FADS3: variants seen among roughly 807,000 people sequenced by gnomAD.
FADS3 encodes fatty acid desaturase 3.
A neutral mutation model predicts 60.4 loss-of-function variants in FADS3; 30 were observed. That is an observed-to-expected ratio of 0.50 (90% CI 0.37 to 0.67). FADS3 has a LOEUF of 0.67. Among genes scored for constraint, FADS3 ranks in the 30% least tolerant of loss-of-function variants. The pLI, the probability that FADS3 is intolerant of heterozygous loss-of-function variation, is 0.00. For missense variants in FADS3, 432 were observed against 598.3 expected (o/e 0.72, Z 2.90); for synonymous variants, 234 against 249.3 (o/e 0.94, Z 0.58).
chr11:61,890,269 G>C lies in FADS3; in HGVS notation c.213+900C>G, dbSNP rs371845382. 1.9e-4 allele frequency: 29 copies of C among 152,354 alleles called. No individual in the cohort carries two copies. The East Asian group carries it at 1.9e-3, about 10-fold the overall frequency. 9.4% of individuals were successfully genotyped at this position (152,354 alleles called of 1,614,324 possible). A position where few individuals can be genotyped will look rare whatever the true frequency, so the allele number is the denominator to read the frequency against. On this transcript the variant is annotated intron_variant, in intron 1 of 11. Transcript: ENST00000278829. ...CATGCTGGAGATGGCAATCGGCAGAGAGCAGGTGGCCCTGTCAAGAGGGAC... is the reference window on the plus strand; with the variant it reads ...CATGCTGGAGATGGCAATCGGCAGACAGCAGGTGGCCCTGTCAAGAGGGAC...
chr11:61,885,002 A>C (rs1420928427), intron 1 of FADS3, among the ~76,000 whole-genome samples: 1 of 151,932 alleles, frequency 6.6e-6, no homozygotes, highest in Non-Finnish European at 1.5e-5. Context: ...GGCACGAACC[A>C]TTTTGCTGGT....
intron 3 of FADS3, 33 bp downstream of exon 3, chr11:61,879,279 G>A: frequency 1.9e-6 from 3 of 1,545,360 alleles, no homozygotes; most frequent in South Asian, 2.4e-5. Flanking sequence ...CTGTTGGGCA[G>A]TTAAGGTGGC....
Position 61,891,340 on chromosome 11 carries a change from C to A in FADS3, c.42G>T (p.Ala14=), listed in dbSNP as rs1938506770. ...VGEPGPREGP[A]QPGAPLPTFC... ...AGGTGGGCAGCGGCGCCCCCGGCTGCGCGGGTCCCTCCCGCGGTCCCGGCT... is the reference window on the plus strand; with the variant it reads ...AGGTGGGCAGCGGCGCCCCCGGCTGAGCGGGTCCCTCCCGCGGTCCCGGCT... Residue 14 remains alanine (A), a synonymous_variant, in exon 1 of 12, where the codon GCG becomes GCT. Coordinates refer to ENST00000278829, the MANE Select transcript of FADS3 (RefSeq NM_021727.5). 3 of 1,510,680 alleles carry A rather than the reference C, an allele frequency of 2.0e-6. No homozygotes were observed. The highest frequency in any genetic ancestry group is 1.2e-5 in the South Asian group (1 of 82,456). The allele number at this position is 1,510,680 out of a possible 1,614,324, so 93.6% of individuals were successfully genotyped here. A position where few individuals can be genotyped will look rare whatever the true frequency, so the allele number is the denominator to read the frequency against.
At chr11:61,885,394 T>A (rs1214722085) in intron 1 of FADS3, among the ~76,000 whole-genome samples, 1 of 152,192 alleles carries the variant, frequency 6.6e-6, no homozygotes, top group East Asian at 1.9e-4. Flanking sequence ...GCTGGGAGGA[T>A]GCAGTCGGTG....
Position 61,876,552 on chromosome 11 carries a change from C to A in FADS3, c.984-97G>T. ...AGCTGTCCCCAAGTGGCCTTGACTT[C>A]CTTATCTGTACAATAGGATTGTGGC... On this transcript the variant is annotated intron_variant, in intron 8 of 11. Coordinates refer to ENST00000278829, the MANE Select transcript of FADS3 (RefSeq NM_021727.5). The surrounding 1 kb of genome is among the most constrained non-coding windows in gnomAD (Gnocchi z 5.7). 1 of 939,682 alleles carries A rather than the reference C, an allele frequency of 1.1e-6. No individual in the cohort carries two copies. The highest frequency in any genetic ancestry group is 1.3e-5 in the South Asian group (1 of 75,142). The allele number at this position is 939,682 out of a possible 1,614,324, so 58.2% of individuals were successfully genotyped here.
chr11:61,876,798 G>T lies in FADS3; in HGVS notation c.983+68C>A. 1 of 1,232,440 alleles carries T rather than the reference G, an allele frequency of 8.1e-7. No homozygotes were observed. Among genetic ancestry groups the T allele is most frequent in the Non-Finnish European group, 1.2e-6 (1 of 856,038 alleles). 76.3% of individuals were successfully genotyped at this position (1,232,440 alleles called of 1,614,324 possible). A position where few individuals can be genotyped will look rare whatever the true frequency, so the allele number is the denominator to read the frequency against. On this transcript the variant is annotated intron_variant, in intron 8 of 11. Coordinates refer to ENST00000278829, the MANE Select transcript of FADS3 (RefSeq NM_021727.5). The surrounding 1 kb of genome is among the most constrained non-coding windows in gnomAD (Gnocchi z 5.7). ...CCATTCTGCAGACGGGAAAAGGGAA[G>T]CTCTGGTGGGGGGCTGCAGTGGGGG...
chr11:61,884,227 C>T lies in FADS3; in HGVS notation c.214-4076G>A, dbSNP rs111579888. On this transcript the variant is annotated intron_variant, in intron 1 of 11. Coordinates refer to ENST00000278829, the MANE Select transcript of FADS3 (RefSeq NM_021727.5). ...ACCGAGGTTAGATCAGAGTCCAGGT[C>T]TCTTCTCACTCATAAGTGAGAGTTG... Among the ~76,000 whole-genome samples, 301 of 152,236 alleles carry T rather than the reference C, an allele frequency of 2.0e-3. 1 individual carries two copies. The highest frequency in any genetic ancestry group is 6.9e-3 in the African/African-American group (286 of 41,530).
intron 1 of FADS3, among the ~76,000 whole-genome samples, chr11:61,884,391 G>A (rs560062181): frequency 1.3e-5 from 2 of 152,124 alleles, no homozygotes; most frequent in African/African-American, 4.8e-5. Context: ...AGGGGTTGAC[G>A]GGTGCAGCAA....
At chr11:61,880,852 CA>C (rs1938105175) in intron 1 of FADS3, 1 of 152,152 alleles carries the variant, frequency 6.6e-6, no homozygotes, top group Admixed American at 6.5e-5. Flanking sequence ...TGGGTTCAAG[CA>C]ATTCTCCGGT....
chr11:61,886,633 C>T (rs1938329777), intron 1 of FADS3, among the ~76,000 whole-genome samples: 1 of 152,080 alleles, frequency 6.6e-6, no homozygotes, highest in South Asian at 2.1e-4. Flanking sequence ...CCCTCGTGGC[C>T]CGAGTACAAA....
rs1408369822 is a variant in FADS3 at position 61,891,439 on chromosome 11, G to A, written c.-58C>T. On this transcript the variant is annotated 5_prime_UTR_variant, in exon 1 of 12. Transcript: ENST00000278829. ...GTGGCCGAGGTCCGAGCAAGACCCC[G>A]AGGGAAGCGAAGAGCGCTCCCGGGC... The A allele has an allele frequency of 1.3e-5, 16 of 1,249,932 alleles. No homozygotes were observed. Among genetic ancestry groups the A allele is most frequent in the Admixed American group, 8.2e-5 (2 of 24,326 alleles). The allele number at this position is 1,249,932 out of a possible 1,614,324, so 77.4% of individuals were successfully genotyped here.
In FADS3 at chr11:61,877,213, G is replaced by T; in HGVS notation, c.886-250C>A. 5.4e-6 allele frequency: 3 copies of T among 557,132 alleles called. No individual in the cohort carries two copies. The highest frequency in any genetic ancestry group is 9.6e-6 in the Non-Finnish European group (3 of 311,068). 34.5% of individuals were successfully genotyped at this position (557,132 alleles called of 1,614,324 possible). A position where few individuals can be genotyped will look rare whatever the true frequency, so the allele number is the denominator to read the frequency against. On this transcript the variant is annotated intron_variant, in intron 7 of 11. Coordinates refer to ENST00000278829, the MANE Select transcript of FADS3 (RefSeq NM_021727.5). The surrounding 1 kb of genome is among the most constrained non-coding windows in gnomAD (Gnocchi z 4.7). ...GGTGTGTTGGGGAAGACCCTGCCAG[G>T]GACACAGATGCCTGGCAGAGTCAGC... is the stretch of plus-strand genomic sequence containing the variant.
At chr11:61,884,301 C>T (rs1337736941) in intron 1 of FADS3, among the ~76,000 whole-genome samples, 1 of 152,048 alleles carries the variant, frequency 6.6e-6, no homozygotes, top group Non-Finnish European at 1.5e-5. Context: ...CACACCGGGG[C>T]TTACTGGGCG....
At chr11:61,891,071 G>C in intron 1 of FADS3, 98 bp downstream of exon 1, 1 of 1,048,190 alleles carries the variant, frequency 9.5e-7, no homozygotes, top group East Asian at 2.6e-5. Flanking sequence ...CGAGGGGAGG[G>C]AGGATGCTAA....
intron 1 of FADS3, chr11:61,881,833 G>A (rs1197468624): frequency 6.6e-6 from 1 of 152,280 alleles, no homozygotes; most frequent in African/African-American, 2.4e-5. Flanking sequence ...GGGACTGGGG[G>A]GCTGGTAGGG....
In FADS3 at chr11:61,877,234, T is replaced by G; in HGVS notation, c.886-271A>C. On this transcript the variant is annotated intron_variant, in intron 7 of 11. Transcript: ENST00000278829. This position sits in a 1 kb window ranked among gnomAD's most constrained non-coding sequence, Gnocchi z 4.7. ...CCAGGGACACAGATGCCTGGCAGAG[T>G]CAGCCCAGCAACTCCTCCTGGGAAG... 6 of 542,924 alleles carry G rather than the reference T, an allele frequency of 1.1e-5. No homozygotes were observed. Among genetic ancestry groups the G allele is most frequent in the East Asian group, 6.4e-5 (2 of 31,264 alleles). The allele number at this position is 542,924 out of a possible 1,614,324, so 33.6% of individuals were successfully genotyped here.
At position 61,873,703 on chromosome 11, in the gene FADS3, A is replaced by T; in HGVS notation, c.*111T>A. ...GGGAAGACAACAGTACCAGGAGGGC[A>T]GGCAGGGCACCCCCAGGCTGGCCAG... On this transcript the variant is annotated 3_prime_UTR_variant, in exon 12 of 12. Coordinates refer to ENST00000278829, the MANE Select transcript of FADS3 (RefSeq NM_021727.5). 1.3e-6 allele frequency: 1 copy of T among 760,570 alleles called. No individual in the cohort carries two copies. The allele number at this position is 760,570 out of a possible 1,614,324, so 47.1% of individuals were successfully genotyped here.
At chr11:61,889,555 G>A (rs1938425754) in intron 1 of FADS3, among the ~76,000 whole-genome samples, 1 of 152,180 alleles carries the variant, frequency 6.6e-6, no homozygotes, top group Non-Finnish European at 1.5e-5. Flanking sequence ...GCTGAGGCAG[G>A]AGAATCGCTT....
In FADS3 at chr11:61,877,700, G is replaced by A. The variant is rs1459613984; in HGVS notation, c.809-113C>T. On this transcript the variant is annotated intron_variant, in intron 6 of 11. Transcript: ENST00000278829. The surrounding 1 kb of genome is among the most constrained non-coding windows in gnomAD (Gnocchi z 4.7). Reference sequence around the variant, plus strand: ...GAATGCCCCTGGGACGTTGGTGCTGGTCACATCCAGCTGAATGACCCCATA... The same window carrying A: ...GAATGCCCCTGGGACGTTGGTGCTGATCACATCCAGCTGAATGACCCCATA... 3.1e-6 allele frequency: 3 copies of A among 953,136 alleles called. No individual in the cohort carries two copies. The highest frequency in any genetic ancestry group is 4.8e-6 in the Non-Finnish European group (3 of 622,658). The allele number at this position is 953,136 out of a possible 1,614,324, so 59.0% of individuals were successfully genotyped here.
Sources: gnomAD v4.1 joint callset for allele counts (sites outside exome capture counted in the v4.1 genomes callset) on GRCh38, gnomAD v4.1.1 for gene constraint, Gnocchi (gnomAD v3.1) non-coding constraint, MANE v1.5 for transcripts, NCBI Gene and HGNC (gene_info 2026-07-23, HGNC 2026-07-21) for gene names.